Variants in TCERG1 observed in about 807,000 individuals in gnomAD.
The protein encoded by TCERG1 is transcription elongation regulator 1, also known as TATA box binding protein (TBP)-associated factor, RNA polymerase II, S, 150kD.
Under a neutral mutation model 144.7 loss-of-function variants are expected in TCERG1, and 37 were observed. The ratio of observed to expected loss-of-function variants is 0.26; its 90% CI spans 0.20 to 0.34. The LOEUF is 0.34. Among genes scored for constraint, TCERG1 ranks in the 10% least tolerant of loss-of-function variants. The pLI, the probability that TCERG1 is intolerant of heterozygous loss-of-function variation, is 1.00. For synonymous variants in TCERG1, 492 were observed against 458.2 expected (o/e 1.07, Z -0.94); for missense variants, 1,027 against 1,380.7 (o/e 0.74, Z 4.06).
In TCERG1 at chr5:146,503,900, A is replaced by T. The variant is rs1198177378; in HGVS notation, c.2675A>T (p.Glu892Val). The change falls in exon 19 of 23, where the codon GAG becomes GTG. Residue 892 changes from glutamate to valine, a missense_variant. Around this residue, in one of 6 missense-constraint regions of TCERG1, gnomAD observed 133 missense variants for 283.2 expected, o/e 0.47. Transcript: ENST00000679501. ...GCAAGCCTTCGAGAACGAGAAAGGG[A>T]GGTTCAAAAGGCCCGTTCAGAACAA... ...IEASLRERER[E>V]VQKARSEQTK... The T allele has an allele frequency of 6.2e-7, 1 of 1,613,580 alleles. No homozygotes were observed. The highest frequency in any genetic ancestry group is 8.5e-7 in the Non-Finnish European group (1 of 1,179,856).
chr5:146,466,365 TAAAGG>T (rs1763790606), intron 5 of TCERG1, among the ~76,000 whole-genome samples: 1 of 152,080 alleles, frequency 6.6e-6, no homozygotes, highest in South Asian at 2.1e-4. Flanking sequence ...TCAAACAAGA[TAAAGG>T]GAAGGAGTGG....
At chr5:146,474,181 TATTAAC>T (rs1474094861) in intron 9 of TCERG1, among the ~76,000 whole-genome samples, 19 of 152,296 alleles carry the variant, frequency 1.2e-4, no homozygotes, top group African/African-American at 4.3e-4. Flanking sequence ...GAGGTCCAGA[TATTAAC>T]ATTAACAGGA....
chr5:146,447,627 C>T (rs544235588), intron 1 of TCERG1, among the ~76,000 whole-genome samples: 16 of 152,334 alleles, frequency 1.1e-4, no homozygotes, highest in Non-Finnish European at 2.1e-4. Context: ...CTGGCTGCTT[C>T]CTAGTGCTTT....
At chr5:146,492,292 T>A (rs919235830) in intron 15 of TCERG1, among the ~76,000 whole-genome samples, 2 of 152,312 alleles carry the variant, frequency 1.3e-5, no homozygotes, top group Non-Finnish European at 2.9e-5. Context: ...TTATGTTGAG[T>A]GCTCTCATAT....
intron 15 of TCERG1, among the ~76,000 whole-genome samples, chr5:146,492,147 A>C (rs1048446580): frequency 1.3e-5 from 2 of 152,202 alleles, no homozygotes; most frequent in Admixed American, 6.5e-5. Context: ...CATCCTTAAA[A>C]TACTACTTAT....
intron 12 of TCERG1, 148 bp downstream of exon 12, chr5:146,480,242 T>G: frequency 4.1e-6 from 2 of 493,676 alleles, no homozygotes; most frequent in South Asian, 4.3e-5. Flanking sequence ...AGCTTTGTTT[T>G]TCATTGTAGA....
chr5:146,451,319 C>CTTTTTTTTTTTTTTTTTTT (rs56346846), intron 1 of TCERG1, among the ~76,000 whole-genome samples: 1 of 138,892 alleles, frequency 7.2e-6, no homozygotes, highest in African/African-American at 2.7e-5. Flanking sequence ...ATCCATATTC[C>CTTTTTTTTTTTTTTTTTTT]TTTTTTTTTT....
At chr5:146,492,839 C>A in intron 15 of TCERG1, 81 bp from the exon 16 acceptor site, 1 of 984,360 alleles carries the variant, frequency 1.0e-6, no homozygotes, top group Admixed American at 2.1e-5. Context: ...ATAGTTTGGA[C>A]AAAGACATTG....
intron 1 of TCERG1, among the ~76,000 whole-genome samples, chr5:146,453,482 A>C (rs1271086656): frequency 6.6e-6 from 1 of 152,228 alleles, no homozygotes; most frequent in Non-Finnish European, 1.5e-5. Flanking sequence ...CTAAGAATAG[A>C]GATATTATTT....
chr5:146,511,367 GACA>G lies in TCERG1; in HGVS notation c.*730_*732del, dbSNP rs1768444188. On this transcript the variant is annotated 3_prime_UTR_variant, in exon 23 of 23. Transcript: ENST00000679501. ...TGATCTTTATCAATATTCTGGATTA[GACA>G]ACAAATTACCTTTCTGGGTGTTTCT... 1 of 152,682 alleles carries G rather than the reference GACA, an allele frequency of 6.5e-6. No individual in the cohort carries two copies. Among genetic ancestry groups the G allele is most frequent in the African/African-American group, 2.4e-5 (1 of 41,538 alleles). 9.5% of individuals were successfully genotyped at this position (152,682 alleles called of 1,614,324 possible).
At chr5:146,474,586 A>T (rs1192832274) in intron 9 of TCERG1, among the ~76,000 whole-genome samples, 1 of 152,168 alleles carries the variant, frequency 6.6e-6, no homozygotes, top group Non-Finnish European at 1.5e-5. Flanking sequence ...CTACAGAGAA[A>T]TCTTTTGCGA....
In TCERG1 at chr5:146,478,662, TA is replaced by T. The variant is rs1369439164; in HGVS notation, c.1762+12del. 1 of 1,565,246 alleles carries T rather than the reference TA, an allele frequency of 6.4e-7. No individual in the cohort carries two copies. The highest frequency in any genetic ancestry group is 8.6e-7 in the Non-Finnish European group (1 of 1,161,454). On this transcript the variant is annotated intron_variant, in intron 10 of 22. Transcript: ENST00000679501. ...GGAATTGAAGAAACTAAGTAAGTTTTAAATTAGGAATTTATCCACTGATTTT... is the reference window on the plus strand; with the variant it reads ...GGAATTGAAGAAACTAAGTAAGTTTTAATTAGGAATTTATCCACTGATTTT...
rs746588350 is a variant in TCERG1, at chr5:146,459,126, C to T, written c.681C>T (p.Ala227=). The T allele has an allele frequency of 1.2e-6, 2 of 1,601,330 alleles. No individual in the cohort carries two copies. Among genetic ancestry groups the T allele is most frequent in the East Asian group, 2.2e-5 (1 of 44,630 alleles). The change falls in exon 4 of 23, where the codon GCC becomes GCT. Residue 227 remains alanine (A), a synonymous_variant. Transcript: ENST00000679501. ...AQAQAQAQAQ[A]QAQAQAQAQA... is the part of the protein sequence containing the mutation. Reference sequence around the variant, plus strand: ...CCCAGGCCCAAGCCCAAGCCCAGGCCCAGGCTCAGGCTCAGGCACAAGCTC... The same window carrying T: ...CCCAGGCCCAAGCCCAAGCCCAGGCTCAGGCTCAGGCTCAGGCACAAGCTC...
chr5:146,483,742 T>C (rs949993486), intron 15 of TCERG1, 113 bp downstream of exon 15: 9 of 738,522 alleles, frequency 1.2e-5, no homozygotes, highest in Middle Eastern at 3.8e-4. Context: ...TTCAAAAATA[T>C]AGTCTTGCAT....
intron 19 of TCERG1, chr5:146,505,424 A>G (rs149034522): frequency 1.3e-3 from 201 of 152,304 alleles, no homozygotes; most frequent in African/African-American, 4.6e-3. Flanking sequence ...TTAGCATAAT[A>G]TAAAAGATTG....
intron 10 of TCERG1, 47 bp downstream of exon 10, chr5:146,478,700 C>T (rs760156552): frequency 4.7e-6 from 7 of 1,488,830 alleles, no homozygotes; most frequent in Non-Finnish European, 6.3e-6. Flanking sequence ...ACATTCTTTT[C>T]ATATTTTGAT....
intron 22 of TCERG1, among the ~76,000 whole-genome samples, chr5:146,509,591 A>C (rs1012861220): frequency 1.3e-5 from 2 of 151,836 alleles, no homozygotes; most frequent in Non-Finnish European, 2.9e-5. Context: ...TTTCACTATC[A>C]GTTATCTTTG....
At chr5:146,495,389 T>C (rs1766796001) in intron 16 of TCERG1, among the ~76,000 whole-genome samples, 1 of 152,220 alleles carries the variant, frequency 6.6e-6, no homozygotes, top group Non-Finnish European at 1.5e-5. Context: ...CTTAAAATTA[T>C]AAACTGAAGG....
intron 5 of TCERG1, 46 bp downstream of exon 5, chr5:146,463,839 T>C (rs933455671): frequency 4.2e-5 from 67 of 1,610,416 alleles, no homozygotes; most frequent in Non-Finnish European, 5.7e-5. Context: ...GTTTTCATAT[T>C]GTCAGTTAGT....
Sources: gnomAD v4.1 joint callset for allele counts (sites outside exome capture counted in the v4.1 genomes callset) on GRCh38, gnomAD v4.1.1 for gene constraint, gnomAD v4.1.1 regional missense constraint, MANE v1.5 for transcripts, NCBI Gene and HGNC (gene_info 2026-07-23, HGNC 2026-07-21) for gene names.